Variants in RASA2 observed in about 807,000 individuals in gnomAD.
RASA2 encodes ras GTPase-activating protein 2.
In RASA2, 155 loss-of-function variants were observed where a neutral mutation model predicts 118.2. The ratio of observed to expected loss-of-function variants is 1.31; its 90% CI spans 1.15 to 1.50. RASA2 has a LOEUF of 1.50. Ranked by LOEUF, RASA2 falls within the 40% of genes most tolerant of loss-of-function variation. RASA2 has a pLI of 0.00. For synonymous variants in RASA2, 353 were observed against 349.1 expected (o/e 1.01, Z -0.12); for missense variants, 1,016 against 1,009.6 (o/e 1.01, Z -0.09).
At chr3:141,605,071 G>A (rs994726224) in intron 19 of RASA2, among the ~76,000 whole-genome samples, 1 of 151,924 alleles carries the variant, frequency 6.6e-6, no homozygotes, top group African/African-American at 2.4e-5. Context: ...CTGATTCTCA[G>A]TCTTTTGACT....
intron 5 of RASA2, among the ~76,000 whole-genome samples, chr3:141,542,276 A>G (rs2082415881): frequency 6.6e-6 from 1 of 152,202 alleles, no homozygotes; most frequent in African/African-American, 2.4e-5. Flanking sequence ...GAACAAAAGT[A>G]TATGATATGT....
chr3:141,524,698 C>A (rs977410319), intron 3 of RASA2, among the ~76,000 whole-genome samples: 30 of 152,062 alleles, frequency 2.0e-4, no homozygotes, highest in African/African-American at 6.5e-4. Context: ...TCAAGCAATT[C>A]TCTTGTCTCA....
intron 5 of RASA2, among the ~76,000 whole-genome samples, chr3:141,549,119 C>T (rs766509186): frequency 1.2e-4 from 18 of 152,152 alleles, no homozygotes; most frequent in Non-Finnish European, 1.8e-4. Flanking sequence ...TTCCTGAATC[C>T]AAATCTATAA....
At chr3:141,558,312 TTATC>T (rs1238362438) in intron 7 of RASA2, among the ~76,000 whole-genome samples, 5 of 152,156 alleles carry the variant, frequency 3.3e-5, no homozygotes, top group South Asian at 4.1e-4. Flanking sequence ...GAAGAATAAT[TTATC>T]TATAGATTCT....
At chr3:141,603,685 T>A (rs2083501846) in intron 19 of RASA2, among the ~76,000 whole-genome samples, 1 of 152,230 alleles carries the variant, frequency 6.6e-6, no homozygotes. Flanking sequence ...CAATTGCCAC[T>A]AATTCCAAAG....
intron 9 of RASA2, among the ~76,000 whole-genome samples, chr3:141,569,961 AT>A (rs1173978692): frequency 6.6e-6 from 1 of 151,800 alleles, no homozygotes. Flanking sequence ...AAAGGACATA[AT>A]TTTTTTCTTT....
intron 9 of RASA2, among the ~76,000 whole-genome samples, chr3:141,568,284 G>A (rs1223468070): frequency 6.6e-6 from 1 of 152,048 alleles, no homozygotes; most frequent in Non-Finnish European, 1.5e-5. Flanking sequence ...ACAAGATACA[G>A]GAGAGTAGAA....
intron 5 of RASA2, among the ~76,000 whole-genome samples, chr3:141,543,739 G>T (rs562268334): frequency 5.3e-5 from 8 of 151,488 alleles, no homozygotes; most frequent in Non-Finnish European, 1.2e-4. Context: ...TTGTGTCCTC[G>T]ATGGTTTCTG....
intron 1 of RASA2, among the ~76,000 whole-genome samples, chr3:141,507,193 T>C (rs1230676770): frequency 1.3e-5 from 2 of 152,210 alleles, no homozygotes; most frequent in African/African-American, 2.4e-5. Context: ...TCTGTGTCCA[T>C]GTTTGATCCA....
At chr3:141,590,220 T>G in intron 19 of RASA2, 1 of 454,310 alleles carries the variant, frequency 2.2e-6, no homozygotes, top group Non-Finnish European at 4.4e-6. Context: ...TTAGTGATAT[T>G]TTCAGGGCTG....
intron 3 of RASA2, among the ~76,000 whole-genome samples, chr3:141,528,688 G>A (rs1167933980): frequency 1.3e-5 from 2 of 151,858 alleles, no homozygotes; most frequent in African/African-American, 4.8e-5. Flanking sequence ...AGCATAGTTT[G>A]TGTTTGTTTT....
chr3:141,549,779 T>G (rs2082545445), intron 5 of RASA2, among the ~76,000 whole-genome samples: 1 of 152,116 alleles, frequency 6.6e-6, no homozygotes. Context: ...ATTTCAGGAC[T>G]TGGGCAGGGA....
chr3:141,507,611 T>C (rs1402351493), intron 1 of RASA2, among the ~76,000 whole-genome samples: 1 of 152,238 alleles, frequency 6.6e-6, no homozygotes, highest in Non-Finnish European at 1.5e-5. Context: ...TAAGCCGTTG[T>C]TGTTGCTGGC....
intron 1 of RASA2, among the ~76,000 whole-genome samples, chr3:141,510,308 C>G (rs919917785): frequency 6.6e-6 from 1 of 152,136 alleles, no homozygotes; most frequent in Non-Finnish European, 1.5e-5. Context: ...CATAAGGGAA[C>G]TAGTGTACTG....
At chr3:141,589,940 C>T (rs962892386) in intron 19 of RASA2, among the ~76,000 whole-genome samples, 5 of 151,926 alleles carry the variant, frequency 3.3e-5, no homozygotes, top group East Asian at 3.9e-4. Context: ...ATAAAACAGA[C>T]GCATTAGAAG....
chr3:141,555,950 T>C (rs2082643586), intron 7 of RASA2, 38 bp downstream of exon 7: 1 of 1,460,624 alleles, frequency 6.8e-7, no homozygotes, highest in African/African-American at 1.4e-5. Flanking sequence ...ACATTAAATA[T>C]GTAATATTTA....
At position 141,570,919 on chromosome 3, in the gene RASA2, C is replaced by CT; in HGVS notation, c.872dup (p.Gln292ThrfsTer13). On this transcript the variant is annotated frameshift_variant, in exon 10 of 24. Transcript: ENST00000286364. LOFTEE classifies it high-confidence loss of function. ...CTTATATTTTTACTTTAGGTACTTG[C>CT]TACAGCCAAGAGACAATGGAAACAA... 1 of 1,603,578 alleles carries CT rather than the reference C, an allele frequency of 6.2e-7. No individual in the cohort carries two copies. Among genetic ancestry groups the CT allele is most frequent in the Non-Finnish European group, 8.5e-7 (1 of 1,176,680 alleles).
chr3:141,525,806 C>G (rs1427616859), intron 3 of RASA2: 1 of 145,000 alleles, frequency 6.9e-6, no homozygotes, highest in Non-Finnish European at 1.5e-5. Flanking sequence ...GACTCTGTCT[C>G]AAAAAAAAAA....
At position 141,553,929 on chromosome 3, in the gene RASA2, G is replaced by A; in HGVS notation, c.600G>A (p.Val200=). ...ACCCTTATGCAACAGTTTCTCTAGT[G>A]GGCCCTTCTAGGTAATATTTATTGA... ...SCDPYATVSL[V]GPSRNDQKKT... is the part of the protein sequence containing the mutation. Residue 200 remains valine (V), a synonymous_variant, in exon 6 of 24, where the codon GTG becomes GTA. Transcript: ENST00000286364. The A allele has an allele frequency of 1.2e-6, 2 of 1,610,324 alleles. No homozygotes were observed. The highest frequency in any genetic ancestry group is 1.7e-6 in the Non-Finnish European group (2 of 1,178,050).
Sources: allele counts gnomAD v4.1 joint callset (sites outside exome capture counted in the v4.1 genomes callset), GRCh38; gene constraint gnomAD v4.1.1; transcripts MANE v1.5; gene names NCBI Gene and HGNC (gene_info 2026-07-23, HGNC 2026-07-21).